CALN1: variants seen among roughly 807,000 people sequenced by gnomAD.
CALN1 encodes calneuron 1.
CALN1 carries 17 observed loss-of-function variants against 30.6 expected under a neutral mutation model. The observed-to-expected ratio is 0.56, with a 90% confidence interval of 0.38 to 0.83. The LOEUF (loss-of-function observed/expected upper bound fraction) is 0.83. CALN1 is among the 40% of genes least tolerant of loss of function. The pLI is 0.00. For synonymous variants in CALN1, 156 were observed against 131.4 expected, an observed-to-expected ratio of 1.19 and a Z score of -1.28; for missense variants, 291 against 354.9, an observed-to-expected ratio of 0.82 and a Z score of 1.45.
Position 72,354,896 on chromosome 7 carries a change from TTTTTC to T in CALN1, c.119+48350_119+48354del, listed in dbSNP as rs199539635. On this transcript the variant is annotated intron_variant, in intron 2 of 6. Transcript: ENST00000395275. ...TTGAGTAAGCAAAAATTTCTTTTTTTTTTTCTTTTCTTTTTTTTTTTAATTTCCCT... is the reference window on the plus strand; with the variant it reads ...TTGAGTAAGCAAAAATTTCTTTTTTTTTTTCTTTTTTTTTTTAATTTCCCT... 9.6e-3 allele frequency among the ~76,000 whole-genome samples: 1,427 copies of T among 149,260 alleles called. 20 individuals carry two copies. The highest frequency in any genetic ancestry group is 0.034 in the African/African-American group (1,342 of 39,830).
intron 1 of CALN1, among the ~76,000 whole-genome samples, chr7:72,423,899 A>G (rs866434926): frequency 2.1e-5 from 3 of 141,640 alleles, no homozygotes; most frequent in African/African-American, 5.1e-5. Context: ...AGAAGGAAGG[A>G]AGGGAGGGAG....
At chr7:72,058,308 A>ATTTTTTTTT (rs1563019395) in intron 4 of CALN1, among the ~76,000 whole-genome samples, 5 of 92,144 alleles carry the variant, frequency 5.4e-5, no homozygotes, top group East Asian at 2.5e-4. Flanking sequence ...ACAAGCTGGA[A>ATTTTTTTTT]TCTTTTTTTT....
At chr7:72,371,261 C>A (rs188692331) in intron 2 of CALN1, among the ~76,000 whole-genome samples, 20 of 152,168 alleles carry the variant, frequency 1.3e-4, no homozygotes, top group African/African-American at 3.4e-4. Context: ...TTTGTGAGAT[C>A]TAAGGATTGA....
chr7:72,271,575 A>AAAAAAAATATATATATATATATATATAT lies in CALN1; in HGVS notation c.244+7110_244+7111insATATATATATATATATATATATTTTTTT. Among the ~76,000 whole-genome samples the AAAAAAAATATATATATATATATATATAT allele has an allele frequency of 2.4e-3, 127 of 52,038 alleles. 3 individuals carry two copies. Among genetic ancestry groups the AAAAAAAATATATATATATATATATATAT allele is most frequent in the Non-Finnish European group, 3.3e-3 (105 of 32,298 alleles). 34.1% of individuals were successfully genotyped at this position (52,038 alleles called of 152,430 possible). A position where few individuals can be genotyped will look rare whatever the true frequency, so the allele number is the denominator to read the frequency against. ...CTGTGCCTGCCTTTTAAAAAAAAAA[A>AAAAAAAATATATATATATATATATATAT]ATATATATATATATATATAGTTTTC... On this transcript the variant is annotated intron_variant, in intron 3 of 6. Coordinates refer to ENST00000395275, the MANE Select transcript of CALN1 (RefSeq NM_031468.4).
At chr7:72,424,794 G>T (rs901305649) in intron 1 of CALN1, among the ~76,000 whole-genome samples, 1 of 151,924 alleles carries the variant, frequency 6.6e-6, no homozygotes, top group African/African-American at 2.4e-5. Flanking sequence ...ATGGGATTTT[G>T]CTATGTTGAC....
intron 3 of CALN1, among the ~76,000 whole-genome samples, chr7:72,243,255 G>A (rs757784900): frequency 3.9e-5 from 6 of 152,196 alleles, no homozygotes; most frequent in Non-Finnish European, 8.8e-5. Flanking sequence ...GCAGCCATCT[G>A]CAAACCAGGA....
chr7:72,454,774 C>G, the CALN1 span, among the ~76,000 whole-genome samples: 1 of 151,980 alleles, frequency 6.6e-6, no homozygotes, highest in African/African-American at 2.4e-5. Flanking sequence ...CAGCTGTCTC[C>G]TCCTCTCCGT....
chr7:72,065,457 C>A (rs1367021731), intron 4 of CALN1, among the ~76,000 whole-genome samples: 1 of 151,604 alleles, frequency 6.6e-6, no homozygotes, highest in East Asian at 1.9e-4. Flanking sequence ...TTTTGCATGA[C>A]AACCCTTCAA....
chr7:72,113,813 G>A (rs1031304579), intron 3 of CALN1, among the ~76,000 whole-genome samples: 2 of 152,146 alleles, frequency 1.3e-5, no homozygotes, highest in Non-Finnish European at 2.9e-5. Context: ...TTTCATGTAG[G>A]CCACAGGGAG....
At chr7:72,388,935 T>C (rs749684163) in intron 2 of CALN1, among the ~76,000 whole-genome samples, 10 of 152,194 alleles carry the variant, frequency 6.6e-5, no homozygotes, top group Non-Finnish European at 1.5e-4. Flanking sequence ...CTCAGCTCTG[T>C]GTGGCTGCAG....
chr7:72,450,645 T>G (rs1044330414), upstream of CALN1, among the ~76,000 whole-genome samples: 18 of 152,160 alleles, frequency 1.2e-4, no homozygotes, highest in African/African-American at 4.3e-4. Flanking sequence ...TTTGGGAGGC[T>G]GAGGCAGGCA....
chr7:71,824,032 T>G (rs576905018), intron 5 of CALN1, among the ~76,000 whole-genome samples: 1 of 152,054 alleles, frequency 6.6e-6, no homozygotes, highest in Admixed American at 6.5e-5. Flanking sequence ...GTGGGAATTG[T>G]GGGAGCTACA....
chr7:72,451,611 A>G (rs1465573577), upstream of CALN1, among the ~76,000 whole-genome samples: 1 of 151,788 alleles, frequency 6.6e-6, no homozygotes, highest in Non-Finnish European at 1.5e-5. Context: ...AGAAACTAAA[A>G]CCCAGAGAGA....
chr7:72,075,221 G>A (rs73369892), intron 4 of CALN1, among the ~76,000 whole-genome samples: 2 of 152,166 alleles, frequency 1.3e-5, no homozygotes, highest in Non-Finnish European at 2.9e-5. Flanking sequence ...CCCACTAGTG[G>A]GAAGATAATC....
rs1012808981 is a variant in CALN1, at chr7:72,361,943, A to G, written c.119+41308T>C. ...AAAAGATTTTAAGATCATATGACAC[A>G]TTTTTTTCTTACGCAGTTTTATTCA... On this transcript the variant is annotated intron_variant, in intron 2 of 6. Transcript: ENST00000395275. Among the ~76,000 whole-genome samples the G allele has an allele frequency of 6.4e-4, 96 of 150,160 alleles. 1 individual carries two copies. Among genetic ancestry groups the G allele is most frequent in the Admixed American group, 1.9e-3 (29 of 14,928 alleles).
chr7:72,271,682 G>A (rs1025715766), intron 3 of CALN1, among the ~76,000 whole-genome samples: 3 of 149,642 alleles, frequency 2.0e-5, no homozygotes, highest in Non-Finnish European at 4.4e-5. Flanking sequence ...TCTAGGTAAC[G>A]ACATGGGTAC....
intron 3 of CALN1, among the ~76,000 whole-genome samples, chr7:72,223,966 A>C (rs1326882501): frequency 6.6e-6 from 1 of 152,164 alleles, no homozygotes; most frequent in Non-Finnish European, 1.5e-5. Flanking sequence ...CGCAGACATG[A>C]AGATGGGAAC....
At chr7:71,806,145 C>G (rs114950111) in intron 6 of CALN1, among the ~76,000 whole-genome samples, 6,036 of 152,172 alleles carry the variant, frequency 0.04, 375 homozygotes, top group African/African-American at 0.13. Context: ...TGCAAACCAC[C>G]ATGGCACACA....
At chr7:72,011,835 CA>C (rs1232164038) in intron 5 of CALN1, among the ~76,000 whole-genome samples, 2 of 151,760 alleles carry the variant, frequency 1.3e-5, no homozygotes, top group Non-Finnish European at 2.9e-5. Flanking sequence ...TTTGTAGAGA[CA>C]AAAAAATGTT....
Sources: allele counts gnomAD v4.1 joint callset (sites outside exome capture counted in the v4.1 genomes callset), GRCh38; gene constraint gnomAD v4.1.1; transcripts MANE v1.5; gene names NCBI Gene and HGNC (gene_info 2026-07-23, HGNC 2026-07-21).